Variants in RELN observed in about 807,000 individuals in gnomAD.
RELN encodes reelin.
A neutral mutation model predicts 427.6 loss-of-function variants in RELN; 108 were observed. The observed-to-expected ratio is 0.25, with a 90% CI of 0.22 to 0.30. RELN has a LOEUF of 0.30. RELN is among the 10% of genes least tolerant of loss of function. The pLI is 1.00. For missense variants in RELN, 3,715 were observed against 4,302.8 expected, an observed-to-expected ratio of 0.86 and a Z score of 3.82; for synonymous variants, 1,524 against 1,513.4, an observed-to-expected ratio of 1.01 and a Z score of -0.16.
In RELN at chr7:103,968,712, G is replaced by A. The variant is rs28631585; in HGVS notation, c.226+20419C>T. Among the ~76,000 whole-genome samples the A allele has an allele frequency of 0.17, 25,473 of 151,888 alleles. 2,211 individuals are homozygous for A. The highest frequency in any genetic ancestry group is 0.29 in the Middle Eastern group (85 of 294). ...GATTATTAAGAACCAGTTAGAAAAG[G>A]TGAAAATAGAACCCATGAGAAGATG... On this transcript the variant is annotated intron_variant, in intron 1 of 64. Transcript: ENST00000428762. This position sits in a 1 kb window ranked among gnomAD's most constrained non-coding sequence, Gnocchi z 4.3.
chr7:103,798,889 GT>G (rs1339433898), intron 3 of RELN, among the ~76,000 whole-genome samples: 1 of 152,148 alleles, frequency 6.6e-6, no homozygotes, highest in African/African-American at 2.4e-5. Context: ...CCGCTTCTGT[GT>G]TAGCTACCAA....
At chr7:103,899,626 G>A (rs1464598715) in intron 2 of RELN, among the ~76,000 whole-genome samples, 1 of 152,124 alleles carries the variant, frequency 6.6e-6, no homozygotes, top group East Asian at 1.9e-4. Flanking sequence ...TGGGATGCAA[G>A]GCTGGTTCAA....
At chr7:103,477,235 GTGCTCTTTTGAACTGT>G (rs1753297700) in intron 64 of RELN, among the ~76,000 whole-genome samples, 1 of 152,124 alleles carries the variant, frequency 6.6e-6, no homozygotes, top group African/African-American at 2.4e-5. Flanking sequence ...TAGTGACTCT[GTGCTCTTTTGAACTGT>G]TACTCTTTAA....
chr7:103,829,661 T>C (rs966690193), intron 3 of RELN, among the ~76,000 whole-genome samples: 1 of 151,906 alleles, frequency 6.6e-6, no homozygotes, highest in African/African-American at 2.4e-5. Context: ...TGTCTCTCAC[T>C]TGATTATTTT....
chr7:103,471,913 G>T lies in RELN; in HGVS notation c.*899C>A, dbSNP rs1827873165. On this transcript the variant is annotated 3_prime_UTR_variant, in exon 65 of 65. Coordinates refer to ENST00000428762, the MANE Select transcript of RELN (RefSeq NM_005045.4). ...GGGCCATTATAATGTTGCTGGTGTT[G>T]TACAACTTCATCAGAAGGTATGAAT... 6.6e-6 allele frequency: 1 copy of T among 152,528 alleles called. No individual in the cohort carries two copies. Among genetic ancestry groups the T allele is most frequent in the Admixed American group, 6.6e-5 (1 of 15,264 alleles). The allele number at this position is 152,528 out of a possible 1,614,324, so 9.4% of individuals were successfully genotyped here.
At chr7:103,784,859 G>C (rs1231075692) in intron 3 of RELN, among the ~76,000 whole-genome samples, 1 of 152,104 alleles carries the variant, frequency 6.6e-6, no homozygotes, top group East Asian at 1.9e-4. Flanking sequence ...TATTTTACCT[G>C]ATAATTGACA....
Position 103,858,682 on chromosome 7 carries a change from T to C in RELN, c.338-25010A>G, listed in dbSNP as rs376752348. On this transcript the variant is annotated intron_variant, in intron 2 of 64. Coordinates refer to ENST00000428762, the MANE Select transcript of RELN (RefSeq NM_005045.4). Reference sequence around the variant, plus strand: ...CCAACACTGTCATTAGTGCATCCTTTACTGTACATCCCTATTTCATCACCT... The same window carrying C: ...CCAACACTGTCATTAGTGCATCCTTCACTGTACATCCCTATTTCATCACCT... Among the ~76,000 whole-genome samples the C allele has an allele frequency of 2.0e-5, 3 of 152,308 alleles. No individual in the cohort carries two copies. In the South Asian group the frequency reaches 6.2e-4, roughly 32 times the overall value.
At position 103,923,734 on chromosome 7, in the gene RELN, A is replaced by G. The variant is rs561793763; in HGVS notation, c.227-6549T>C. On this transcript the variant is annotated intron_variant, in intron 1 of 64. Coordinates refer to ENST00000428762, the MANE Select transcript of RELN (RefSeq NM_005045.4). ...GCCCACCTAGTATAGTCTCCTGTCC[A>G]TCTCCAGAGGAGCATTGCTAAATGT... 4.6e-5 allele frequency among the ~76,000 whole-genome samples: 7 copies of G among 152,210 alleles called. No individual in the cohort carries two copies. The East Asian group carries it at 1.2e-3, about 25-fold the overall frequency.
Position 103,915,290 on chromosome 7 carries a change from C to T in RELN, c.337+1785G>A, listed in dbSNP as rs375474958. ...CCTTTCCAAATTACACCACACTTTACTCAAGACTGGATCTAGTTTCTCTGT... is the reference window on the plus strand; with the variant it reads ...CCTTTCCAAATTACACCACACTTTATTCAAGACTGGATCTAGTTTCTCTGT... On this transcript the variant is annotated intron_variant, in intron 2 of 64. Transcript: ENST00000428762. Among the ~76,000 whole-genome samples, 9 of 152,264 alleles carry T rather than the reference C, an allele frequency of 5.9e-5. No individual in the cohort carries two copies. The East Asian group carries it at 1.4e-3, about 23-fold the overall frequency.
At chr7:103,761,990 C>T (rs1414958860) in intron 4 of RELN, among the ~76,000 whole-genome samples, 2 of 152,138 alleles carry the variant, frequency 1.3e-5, no homozygotes, top group African/African-American at 4.8e-5. Context: ...AGGAAGAAAC[C>T]TTGTTGCTAA....
chr7:103,547,611 T>C (rs1465802004), intron 41 of RELN, among the ~76,000 whole-genome samples: 1 of 152,190 alleles, frequency 6.6e-6, no homozygotes, highest in Non-Finnish European at 1.5e-5. Context: ...ACTCCAACTA[T>C]ATCAAGCTGC....
intron 3 of RELN, among the ~76,000 whole-genome samples, chr7:103,810,185 T>C (rs117844799): frequency 2.0e-5 from 3 of 152,280 alleles, no homozygotes; most frequent in East Asian, 3.9e-4. Context: ...CTAATACTTG[T>C]ACATTTACTT....
chr7:103,966,352 G>A (rs78674699), intron 1 of RELN, among the ~76,000 whole-genome samples: 3 of 152,144 alleles, frequency 2.0e-5, no homozygotes, highest in East Asian at 3.9e-4. Flanking sequence ...CACCCAGACC[G>A]AAACAATTAG....
chr7:103,821,512 A>G (rs1793013812), intron 3 of RELN, among the ~76,000 whole-genome samples: 1 of 152,144 alleles, frequency 6.6e-6, no homozygotes, highest in South Asian at 2.1e-4. Context: ...CCAAATAACT[A>G]TTATGGTGCT....
At position 103,635,473 on chromosome 7, in the gene RELN, G is replaced by C; in HGVS notation, c.2417C>G (p.Thr806Ser). Residue 806 changes from threonine (T) to serine (S), a missense_variant, in exon 19 of 65, where the codon ACT becomes AGT. Physicochemically the swap from Thr to Ser is moderately conservative, Grantham distance 58. Coordinates refer to ENST00000428762, the MANE Select transcript of RELN (RefSeq NM_005045.4). ...TGAATAATGCTCCAGGAGTTTCCAA[G>C]TTATCCCATTATCATAAGAATAATG... The part of the protein sequence containing the change: ...LLHYSYDNGI[T>S]WKLLEHYSYL... The C allele has an allele frequency of 1.2e-6, 2 of 1,613,936 alleles. No homozygotes were observed.
Position 103,653,910 on chromosome 7 carries a change from T to C in RELN, c.1554+183A>G, listed in dbSNP as rs534793735. ...TTCCTTCCTGATAACTCATTTTTCA[T>C]TTGTATTAGGAAAAAATATGAAGGT... On this transcript the variant is annotated intron_variant, in intron 13 of 64. Coordinates refer to ENST00000428762, the MANE Select transcript of RELN (RefSeq NM_005045.4). Among the ~76,000 whole-genome samples the C allele has an allele frequency of 2.2e-4, 34 of 152,152 alleles. 1 individual carries two copies. Among genetic ancestry groups the C allele is most frequent in the African/African-American group, 8.2e-4 (34 of 41,532 alleles).
intron 64 of RELN, among the ~76,000 whole-genome samples, chr7:103,475,482 A>G (rs889175730): frequency 6.6e-6 from 1 of 152,236 alleles, no homozygotes; most frequent in Non-Finnish European, 1.5e-5. Context: ...TTGCAAAGTT[A>G]AAGCAATGAA....
At chr7:103,973,475 T>C (rs1271943924) in intron 1 of RELN, among the ~76,000 whole-genome samples, 1 of 152,120 alleles carries the variant, frequency 6.6e-6, no homozygotes, top group Non-Finnish European at 1.5e-5. Context: ...AACAAAAATG[T>C]ATCTGTTTTC....
At position 103,754,195 on chromosome 7, in the gene RELN, CATT is replaced by C. The variant is rs34006493; in HGVS notation, c.545-984_545-982del. 2.8e-3 allele frequency among the ~76,000 whole-genome samples: 421 copies of C among 151,904 alleles called. 3 individuals are homozygous for C. The highest frequency in any genetic ancestry group is 8.3e-3 in the African/African-American group (344 of 41,434). ...TTAGTACACAAAATGTAAAATATCTCATTAATAGTTTTAAATTGACCACATTAT... is the reference window on the plus strand; with the variant it reads ...TTAGTACACAAAATGTAAAATATCTCAATAGTTTTAAATTGACCACATTAT... On this transcript the variant is annotated intron_variant, in intron 4 of 64. Coordinates refer to ENST00000428762, the MANE Select transcript of RELN (RefSeq NM_005045.4).
Sources: gnomAD v4.1 joint callset for allele counts (sites outside exome capture counted in the v4.1 genomes callset) on GRCh38, gnomAD v4.1.1 for gene constraint, Gnocchi (gnomAD v3.1) non-coding constraint, MANE v1.5 for transcripts, NCBI Gene and HGNC (gene_info 2026-07-23, HGNC 2026-07-21) for gene names.